SPOCK1: variants seen among roughly 807,000 people sequenced by gnomAD.
SPOCK1 encodes the protein SPARC (osteonectin), cwcv and kazal like domains proteoglycan 1.
Under a neutral mutation model 55.3 loss-of-function variants are expected in SPOCK1, and 23 were observed. The ratio of observed to expected loss-of-function variants is 0.42; its 90% CI spans 0.30 to 0.59. The LOEUF is 0.59. SPOCK1 is among the 20% of genes least tolerant of loss of function. The pLI is 0.22. For synonymous variants in SPOCK1, 226 were observed against 221.0 expected (o/e 1.02, Z -0.20); for missense variants, 499 against 552.5 (o/e 0.90, Z 0.97).
intron 3 of SPOCK1, among the ~76,000 whole-genome samples, chr5:137,160,601 A>ATATATAATATATAATATATAATATATTT (rs1754524468): frequency 1.4e-5 from 1 of 73,914 alleles, no homozygotes; most frequent in Non-Finnish European, 2.6e-5. Context: ...ATAATATATT[A>ATATATAATATATAATATATAATATATTT]TATATAATAT....
chr5:137,405,864 C>G (rs1752087873), intron 2 of SPOCK1, among the ~76,000 whole-genome samples: 3 of 152,160 alleles, frequency 2.0e-5, no homozygotes, highest in Admixed American at 2.0e-4. Flanking sequence ...GAACTCAGAC[C>G]AGGCAAACAG....
At chr5:137,147,585 A>C (rs1434282491) in intron 3 of SPOCK1, among the ~76,000 whole-genome samples, 1 of 152,148 alleles carries the variant, frequency 6.6e-6, no homozygotes, top group Non-Finnish European at 1.5e-5. Context: ...ACTTGGAGAG[A>C]CAGAGAGCCA....
At chr5:137,301,167 C>T (rs1246543151) in intron 2 of SPOCK1, among the ~76,000 whole-genome samples, 1 of 152,142 alleles carries the variant, frequency 6.6e-6, no homozygotes, top group Non-Finnish European at 1.5e-5. Context: ...AGTAGGAATG[C>T]CCAGGACCTA....
intron 3 of SPOCK1, among the ~76,000 whole-genome samples, chr5:137,205,006 T>C (rs1207457567): frequency 6.6e-6 from 1 of 152,152 alleles, no homozygotes; most frequent in East Asian, 1.9e-4. Flanking sequence ...TCCTAAGAAG[T>C]GATAATCCCA....
In SPOCK1 at chr5:136,975,720, T is replaced by C. The variant is rs1750599023; in HGVS notation, c.*2934A>G. 1 of 151,978 alleles carries C rather than the reference T, an allele frequency of 6.6e-6. No homozygotes were observed. The highest frequency in any genetic ancestry group is 1.5e-5 in the Non-Finnish European group (1 of 68,004). The allele number at this position is 151,978 out of a possible 1,614,324, so 9.4% of individuals were successfully genotyped here. ...TCATTTGCTGCTGTGGGTAGGAAAA[T>C]GGGCGTAAAGGAGGAGAAACAGATA... is the stretch of plus-strand genomic sequence containing the variant. On this transcript the variant is annotated 3_prime_UTR_variant, in exon 11 of 11. Coordinates refer to ENST00000394945, the MANE Select transcript of SPOCK1 (RefSeq NM_004598.4).
intron 4 of SPOCK1, among the ~76,000 whole-genome samples, chr5:137,126,848 G>A (rs1177834740): frequency 6.6e-6 from 1 of 152,184 alleles, no homozygotes; most frequent in Non-Finnish European, 1.5e-5. Flanking sequence ...GTCTGTGGAA[G>A]GTAGAACTTG....
intron 3 of SPOCK1, among the ~76,000 whole-genome samples, chr5:137,142,960 T>C (rs1754127471): frequency 6.6e-6 from 1 of 152,192 alleles, no homozygotes; most frequent in Admixed American, 6.5e-5. Flanking sequence ...TGACCACTAA[T>C]GATGAAAGTT....
intron 2 of SPOCK1, among the ~76,000 whole-genome samples, chr5:137,342,158 G>A (rs992907077): frequency 1.2e-4 from 18 of 152,214 alleles, no homozygotes; most frequent in Non-Finnish European, 2.1e-4. Flanking sequence ...AGACACCTCC[G>A]CGGAGGATAG....
chr5:137,319,877 G>A (rs1046273372), intron 2 of SPOCK1, among the ~76,000 whole-genome samples: 2 of 151,056 alleles, frequency 1.3e-5, no homozygotes, highest in African/African-American at 4.9e-5. Flanking sequence ...CCCGGGAAGC[G>A]GAGCTTGCAG....
chr5:137,262,428 G>A (rs1056916628), intron 3 of SPOCK1, among the ~76,000 whole-genome samples: 7 of 152,272 alleles, frequency 4.6e-5, no homozygotes, highest in African/African-American at 1.4e-4. Context: ...CCTGTCACCT[G>A]TATAAACACT....
chr5:137,251,966 C>T (rs1251247227), intron 3 of SPOCK1, among the ~76,000 whole-genome samples: 1 of 151,128 alleles, frequency 6.6e-6, no homozygotes, highest in Admixed American at 6.6e-5. Flanking sequence ...GTTGCCCAGG[C>T]TGGAGTGCAG....
intron 2 of SPOCK1, among the ~76,000 whole-genome samples, chr5:137,267,575 A>G (rs2127116761): frequency 6.6e-6 from 1 of 152,384 alleles, no homozygotes; most frequent in Middle Eastern, 3.4e-3. Context: ...ATTTAGCTTA[A>G]TACCATTTGT....
intron 2 of SPOCK1, among the ~76,000 whole-genome samples, chr5:137,390,887 T>C (rs1427472436): frequency 1.3e-5 from 2 of 152,168 alleles, no homozygotes; most frequent in Non-Finnish European, 2.9e-5. Flanking sequence ...TGTATAAATA[T>C]ATGTATACAC....
intron 4 of SPOCK1, among the ~76,000 whole-genome samples, chr5:137,116,841 T>C (rs1753593654): frequency 6.6e-6 from 1 of 151,992 alleles, no homozygotes; most frequent in South Asian, 2.1e-4. Context: ...CAGAGCCAGC[T>C]CTTTCCCATG....
intron 3 of SPOCK1, among the ~76,000 whole-genome samples, chr5:137,186,328 T>C (rs1459854176): frequency 1.3e-5 from 2 of 152,210 alleles, no homozygotes; most frequent in African/African-American, 4.8e-5. Context: ...ACCCTTCCCT[T>C]TGCATAGGCC....
intron 6 of SPOCK1, among the ~76,000 whole-genome samples, chr5:137,013,722 T>C (rs1751396560): frequency 6.6e-6 from 1 of 152,234 alleles, no homozygotes; most frequent in Admixed American, 6.5e-5. Context: ...GCAGAAATAT[T>C]TGTACTCCCT....
rs544684802 is a variant in SPOCK1 at position 137,192,759 on chromosome 5, G to A, written c.233-52065C>T. On this transcript the variant is annotated intron_variant, in intron 3 of 10. Transcript: ENST00000394945. ...TAAAGTGAATGAGCTAGAACTGCAT[G>A]AACCAACAACACGGAAAAACCTCAA... Among the ~76,000 whole-genome samples the A allele has an allele frequency of 5.9e-5, 9 of 152,294 alleles. 1 individual carries two copies. The South Asian group carries it at 1.9e-3, about 32-fold the overall frequency.
At chr5:137,060,105 C>A (rs73292301) in intron 6 of SPOCK1, among the ~76,000 whole-genome samples, 18,953 of 152,130 alleles carry the variant, frequency 0.12, 1,459 homozygotes, top group East Asian at 0.24. Context: ...TGGGTATTTA[C>A]CCAAAGGAAT....
At chr5:137,077,213 C>T (rs1258327818) in intron 5 of SPOCK1, among the ~76,000 whole-genome samples, 4 of 152,228 alleles carry the variant, frequency 2.6e-5, no homozygotes, top group Non-Finnish European at 4.4e-5. Flanking sequence ...CGTGAGCCAC[C>T]GCGCCCGGCC....
Sources: allele counts gnomAD v4.1 joint callset (sites outside exome capture counted in the v4.1 genomes callset), GRCh38; gene constraint gnomAD v4.1.1; transcripts MANE v1.5; gene names NCBI Gene and HGNC (gene_info 2026-07-23, HGNC 2026-07-21).